PTBP3: variants seen among roughly 807,000 people sequenced by gnomAD.
PTBP3 encodes the protein polypyrimidine tract-binding protein 3.
A neutral mutation model predicts 58.7 loss-of-function variants in PTBP3; 20 were observed. The ratio of observed to expected loss-of-function variants is 0.34; its 90% CI spans 0.24 to 0.50. The LOEUF is 0.50. PTBP3 is among the 20% of genes least tolerant of loss of function. PTBP3 has a pLI of 0.98. For synonymous variants in PTBP3, 185 were observed against 219.8 expected, an observed-to-expected ratio of 0.84 and a Z score of 1.40; for missense variants, 509 against 637.2, an observed-to-expected ratio of 0.80 and a Z score of 2.17.
chr9:112,296,563 C>A (rs1330707331), intron 2 of PTBP3, among the ~76,000 whole-genome samples: 1 of 152,070 alleles, frequency 6.6e-6, no homozygotes. Flanking sequence ...CCAAAAACAT[C>A]TGGATAAAGA....
intron 12 of PTBP3, among the ~76,000 whole-genome samples, chr9:112,225,595 G>GT (rs1191817694): frequency 6.6e-6 from 1 of 152,120 alleles, no homozygotes; most frequent in African/African-American, 2.4e-5. Flanking sequence ...TTTTATCACA[G>GT]TTTTTTTAAA....
At chr9:112,268,027 T>C (rs763755402) in intron 4 of PTBP3, 22 bp downstream of exon 4, 3 of 1,591,102 alleles carry the variant, frequency 1.9e-6, no homozygotes, top group Non-Finnish European at 2.6e-6. Flanking sequence ...TACCTATTTT[T>C]AAAAACATCT....
intron 3 of PTBP3, among the ~76,000 whole-genome samples, chr9:112,269,196 C>CA (rs5899997): frequency 1.9e-3 from 169 of 91,198 alleles, no homozygotes; most frequent in Middle Eastern, 5.7e-3. Flanking sequence ...AACTCTGTCT[C>CA]AAAAAAAAAA....
upstream of PTBP3, among the ~76,000 whole-genome samples, chr9:112,337,759 G>T (rs141522632): frequency 2.0e-5 from 3 of 152,192 alleles, no homozygotes; most frequent in Non-Finnish European, 4.4e-5. Context: ...CCCCCATCAC[G>T]ATTATCTTTG....
chr9:112,310,909 T>C (rs1468122032), intron 1 of PTBP3, among the ~76,000 whole-genome samples: 1 of 152,198 alleles, frequency 6.6e-6, no homozygotes. Context: ...GAGGCAATTA[T>C]GGCTGAAAGA....
the PTBP3 span, among the ~76,000 whole-genome samples, chr9:112,365,154 GTCTA>G: frequency 1.3e-3 from 108 of 81,256 alleles, no homozygotes; most frequent in African/African-American, 3.7e-3. Context: ...CATTGTATAT[GTCTA>G]TCTATCTATC....
At chr9:112,366,148 G>A in the PTBP3 span, among the ~76,000 whole-genome samples, 1 of 151,882 alleles carries the variant, frequency 6.6e-6, no homozygotes, top group African/African-American at 2.4e-5. Context: ...CTGGGTGTGG[G>A]GGTGCATGCC....
intron 2 of PTBP3, among the ~76,000 whole-genome samples, chr9:112,294,459 A>T (rs1317514217): frequency 2.6e-5 from 4 of 152,340 alleles, no homozygotes; most frequent in Admixed American, 1.3e-4. Flanking sequence ...TTGAGGCTGC[A>T]GTGAGCCGTG....
chr9:112,320,364 TGTTA>T (rs1384088618), intron 1 of PTBP3, among the ~76,000 whole-genome samples: 1 of 144,794 alleles, frequency 6.9e-6, no homozygotes, highest in African/African-American at 2.6e-5. Flanking sequence ...ACAATGCATA[TGTTA>T]ATTAGCTTGA....
At chr9:112,326,312 A>G (rs1189244392) in intron 1 of PTBP3, among the ~76,000 whole-genome samples, 1 of 152,236 alleles carries the variant, frequency 6.6e-6, no homozygotes, top group East Asian at 1.9e-4. Flanking sequence ...CGTTTTCTGT[A>G]AAGGGCCAGA....
the PTBP3 span, among the ~76,000 whole-genome samples, chr9:112,363,561 A>ACACACACACACACACACAC: frequency 3.9e-5 from 3 of 77,400 alleles, no homozygotes; most frequent in African/African-American, 2.1e-4. Context: ...CACACACACA[A>ACACACACACACACACACAC]AGGCTATTCT....
intron 4 of PTBP3, among the ~76,000 whole-genome samples, chr9:112,262,807 G>A (rs1371700405): frequency 6.6e-6 from 1 of 152,170 alleles, no homozygotes; most frequent in African/African-American, 2.4e-5. Context: ...TTTTTAAAAG[G>A]TGCTTAAATT....
intron 1 of PTBP3, among the ~76,000 whole-genome samples, chr9:112,326,647 A>C (rs1281759517): frequency 6.6e-6 from 1 of 152,260 alleles, no homozygotes; most frequent in Non-Finnish European, 1.5e-5. Flanking sequence ...GAAAAAGTCT[A>C]AAACATATTT....
intron 1 of PTBP3, among the ~76,000 whole-genome samples, chr9:112,311,121 A>G (rs1220159530): frequency 6.6e-6 from 1 of 152,124 alleles, no homozygotes; most frequent in Non-Finnish European, 1.5e-5. Context: ...ACAAAGAGGG[A>G]AGGACTCTGG....
chr9:112,245,431 A>C (rs1360747257), intron 7 of PTBP3, among the ~76,000 whole-genome samples: 1 of 152,188 alleles, frequency 6.6e-6, no homozygotes, highest in African/African-American at 2.4e-5. Flanking sequence ...CACATTTCTT[A>C]TTCTTGAAGA....
chr9:112,240,947 G>C (rs1835634605), intron 7 of PTBP3, among the ~76,000 whole-genome samples: 1 of 151,968 alleles, frequency 6.6e-6, no homozygotes, highest in Non-Finnish European at 1.5e-5. Flanking sequence ...AAATATTTTT[G>C]AACAGCTTGT....
the PTBP3 span, among the ~76,000 whole-genome samples, chr9:112,344,499 C>T: frequency 6.6e-6 from 1 of 152,174 alleles, no homozygotes; most frequent in Non-Finnish European, 1.5e-5. Flanking sequence ...GAGCACAAGG[C>T]CCCCACCAGA....
chr9:112,243,274 C>A (rs1589814406), intron 7 of PTBP3, among the ~76,000 whole-genome samples: 1 of 151,266 alleles, frequency 6.6e-6, no homozygotes, highest in South Asian at 2.1e-4. Context: ...GGCGAGGTGG[C>A]TCACGTCTGT....
intron 1 of PTBP3, among the ~76,000 whole-genome samples, chr9:112,304,788 T>C (rs1298173314): frequency 6.6e-6 from 1 of 152,184 alleles, no homozygotes; most frequent in Admixed American, 6.5e-5. Context: ...CTCTACTGAT[T>C]GATCGCTTAT....
Sources: gnomAD v4.1 joint callset for allele counts (sites outside exome capture counted in the v4.1 genomes callset) on GRCh38, gnomAD v4.1.1 for gene constraint, MANE v1.5 for transcripts, NCBI Gene and HGNC (gene_info 2026-07-23, HGNC 2026-07-21) for gene names.